Variants in CHD1L observed in about 807,000 individuals in gnomAD.
CHD1L encodes chromodomain helicase DNA binding protein 1 like.
Under a neutral mutation model 115.9 loss-of-function variants are expected in CHD1L, and 118 were observed. That is an observed-to-expected ratio of 1.02 (90% CI 0.88 to 1.19). CHD1L has a LOEUF of 1.19. Ranked by LOEUF, CHD1L falls within the 50% of genes most tolerant of loss-of-function variation. The pLI is 0.00. For synonymous variants in CHD1L, 411 were observed against 387.1 expected, an observed-to-expected ratio of 1.06 and a Z score of -0.72; for missense variants, 1,179 against 1,065.3, an observed-to-expected ratio of 1.11 and a Z score of -1.49.
chr1:147,265,742 C>T (rs1673628293), intron 7 of CHD1L, among the ~76,000 whole-genome samples, 190 bp from the exon 8 acceptor site: 1 of 152,176 alleles, frequency 6.6e-6, no homozygotes, highest in East Asian at 1.9e-4. Flanking sequence ...GGGCTAAGAA[C>T]AAGTCATGAT....
Position 147,270,828 on chromosome 1 carries a change from G to C in CHD1L, c.1086-104G>C. 5 of 884,338 alleles carry C rather than the reference G, an allele frequency of 5.7e-6. No individual in the cohort carries two copies. The South Asian group carries it at 7.0e-5, about 12-fold the overall frequency. 54.8% of individuals were successfully genotyped at this position (884,338 alleles called of 1,614,324 possible). A position where few individuals can be genotyped will look rare whatever the true frequency, so the allele number is the denominator to read the frequency against. Reference sequence around the variant, plus strand: ...CATACGACACTTATATTTCTACTTTGGTATTTATTTATAAACTTTTATTGT... The same window carrying C: ...CATACGACACTTATATTTCTACTTTCGTATTTATTTATAAACTTTTATTGT... On this transcript the variant is annotated intron_variant, in intron 10 of 22. Coordinates refer to ENST00000369258, the MANE Select transcript of CHD1L (RefSeq NM_004284.6).
chr1:147,174,744 C>T, the CHD1L span: 1 of 151,934 alleles, frequency 6.6e-6, no homozygotes, highest in Non-Finnish European at 1.5e-5. Context: ...GATACAAGAT[C>T]CTCTTAACCA....
At chr1:147,272,530 G>C (rs1676640197) in intron 12 of CHD1L, 3 of 321,398 alleles carry the variant, frequency 9.3e-6, no homozygotes, top group Non-Finnish European at 1.7e-5. Context: ...TTTGACCATT[G>C]ACCTGGGAAT....
chr1:147,290,338 G>T lies in CHD1L; in HGVS notation c.2321-1144G>T, dbSNP rs903199064. Reference sequence around the variant, plus strand: ...GAGCTCAAGTGGTCCACCTCCCTCAGCTTCTCCAAGTGCAAGGATTACACA... The same window carrying T: ...GAGCTCAAGTGGTCCACCTCCCTCATCTTCTCCAAGTGCAAGGATTACACA... On this transcript the variant is annotated intron_variant, in intron 19 of 22. Transcript: ENST00000369258. Among the ~76,000 whole-genome samples the T allele has an allele frequency of 5.9e-5, 9 of 152,102 alleles. No homozygotes were observed. In the South Asian group the frequency reaches 1.2e-3, roughly 21 times the overall value.
chr1:147,198,108 T>C, the CHD1L span, among the ~76,000 whole-genome samples: 1 of 152,168 alleles, frequency 6.6e-6, no homozygotes, highest in Non-Finnish European at 1.5e-5. Context: ...AGAAAAGAGA[T>C]CTGGCTCCCA....
chr1:147,198,467 G>A, the CHD1L span, among the ~76,000 whole-genome samples: 4 of 152,104 alleles, frequency 2.6e-5, 1 homozygote, highest in South Asian at 8.3e-4. Context: ...AAAGCACAGG[G>A]TACAAGGGTA....
In CHD1L at chr1:147,267,417, A is replaced by AAATTTC; in HGVS notation, c.896-7_896-2dup. Reference sequence around the variant, plus strand: ...TCTTTCTGTCTCTCTCTTTTTTTTTAAATTTCAGATGCATTTGAAAATGAG... The same window carrying AAATTTC: ...TCTTTCTGTCTCTCTCTTTTTTTTTAAATTTCAATTTCAGATGCATTTGAAAATGAG... On this transcript the variant is annotated splice_polypyrimidine_tract_variant and intron_variant, in intron 8 of 22. Coordinates refer to ENST00000369258, the MANE Select transcript of CHD1L (RefSeq NM_004284.6). 1 of 1,596,778 alleles carries AAATTTC rather than the reference A, an allele frequency of 6.3e-7. No homozygotes were observed. Among genetic ancestry groups the AAATTTC allele is most frequent in the East Asian group, 2.2e-5 (1 of 44,704 alleles).
rs782630219 is a variant in CHD1L at position 147,287,646 on chromosome 1, C to T, written c.2233C>T (p.His745Tyr). 1.2e-6 allele frequency: 2 copies of T among 1,613,646 alleles called. No individual in the cohort carries two copies. Among genetic ancestry groups the T allele is most frequent in the Non-Finnish European group, 1.7e-6 (2 of 1,179,772 alleles). Residue 745 changes from histidine (H) to tyrosine (Y), a missense_variant, in exon 19 of 23, where the codon CAC becomes TAC. His to Tyr is a moderately conservative substitution (Grantham distance 83). Coordinates refer to ENST00000369258, the MANE Select transcript of CHD1L (RefSeq NM_004284.6). ...LIVHCVDDSG[H>Y]WGRGGLFTAL... ...CTTTCTTCAAACAGATGACTCTGGC[C>T]ACTGGGGCAGAGGTGGTTTATTTAC...
upstream of CHD1L, among the ~76,000 whole-genome samples, chr1:147,241,306 G>A (rs886264951): frequency 1.3e-5 from 2 of 152,224 alleles, no homozygotes; most frequent in Non-Finnish European, 2.9e-5. Flanking sequence ...TAAATGGCCC[G>A]TCTTTGCCTT....
chr1:147,264,640 C>G, intron 7 of CHD1L, 56 bp downstream of exon 7: 1 of 1,559,570 alleles, frequency 6.4e-7, no homozygotes. Flanking sequence ...AAACCATCCT[C>G]ATGCATAATG....
rs1399405485 is a variant in CHD1L, at chr1:147,272,172, C to CT, written c.1162dup (p.Tyr388LeufsTer4). ...CTGTTTTTCTTCCTCTCTGTAAAGG[C>CT]TACAGCTATGAGCGTGTGGATGGTT... On this transcript the variant is annotated frameshift_variant and splice_region_variant, in exon 12 of 23. Coordinates refer to ENST00000369258, the MANE Select transcript of CHD1L (RefSeq NM_004284.6). LOFTEE classifies it high-confidence loss of function. 6.2e-7 allele frequency: 1 copy of CT among 1,612,114 alleles called. No homozygotes were observed. Among genetic ancestry groups the CT allele is most frequent in the Non-Finnish European group, 8.5e-7 (1 of 1,178,488 alleles).
chr1:147,195,088 T>A, the CHD1L span, among the ~76,000 whole-genome samples: 14 of 152,236 alleles, frequency 9.2e-5, no homozygotes, highest in South Asian at 2.9e-3. Context: ...TCCTGGATAA[T>A]ATCCTGCAGA....
the CHD1L span, chr1:147,204,613 A>G: frequency 8.2e-6 from 13 of 1,592,598 alleles, no homozygotes; most frequent in East Asian, 2.2e-5. Context: ...AGCTCCGGCA[A>G]ATACCAGAAC....
At chr1:147,262,989 G>A (rs1553945277) in intron 6 of CHD1L, among the ~76,000 whole-genome samples, 4 of 151,906 alleles carry the variant, frequency 2.6e-5, no homozygotes, top group African/African-American at 4.8e-5. Flanking sequence ...TATTTAAAAA[G>A]TCAAAATGTA....
rs587697952 is a variant in CHD1L, at chr1:147,277,865, G to A, written c.1539+1608G>A. On this transcript the variant is annotated intron_variant, in intron 14 of 22. Coordinates refer to ENST00000369258, the MANE Select transcript of CHD1L (RefSeq NM_004284.6). ...ACAAGGCCCGCATTCTCTTGTTAGA[G>A]GAGGAAGGATGTCATAGGTTGTTTG... 5.9e-5 allele frequency among the ~76,000 whole-genome samples: 9 copies of A among 152,274 alleles called. No individual in the cohort carries two copies. The South Asian group carries it at 1.5e-3, about 25-fold the overall frequency.
chr1:147,276,331 A>T, intron 14 of CHD1L, 74 bp downstream of exon 14: 1 of 1,410,434 alleles, frequency 7.1e-7, no homozygotes, highest in Non-Finnish European at 9.5e-7. Context: ...AAATGAAAAG[A>T]ACCAGCACTC....
At chr1:147,267,317 A>T in intron 8 of CHD1L, 109 bp from the exon 9 acceptor site, 1 of 703,184 alleles carries the variant, frequency 1.4e-6, no homozygotes, top group Non-Finnish European at 2.4e-6. Flanking sequence ...ATAGGTTCAA[A>T]GGATATAATT....
intron 6 of CHD1L, among the ~76,000 whole-genome samples, chr1:147,262,153 G>A (rs1220496344): frequency 2.8e-5 from 4 of 142,794 alleles, no homozygotes; most frequent in African/African-American, 5.3e-5. Flanking sequence ...CCGAGATTGC[G>A]CCACTGCACT....
the CHD1L span, chr1:147,215,902 A>C: frequency 1.2e-6 from 2 of 1,612,470 alleles, no homozygotes; most frequent in African/African-American, 2.7e-5. Context: ...ATTGATGATC[A>C]CTGATTTGTA....
Sources: allele counts gnomAD v4.1 joint callset (sites outside exome capture counted in the v4.1 genomes callset), GRCh38; gene constraint gnomAD v4.1.1; transcripts MANE v1.5; gene names NCBI Gene and HGNC (gene_info 2026-07-23, HGNC 2026-07-21).